Variants in EFCAB5 observed in about 807,000 individuals in gnomAD.
EFCAB5 encodes the protein EF-hand calcium-binding domain-containing protein 5.
EFCAB5 carries 131 observed loss-of-function variants against 167.9 expected under a neutral mutation model. That is an observed-to-expected ratio of 0.78 (90% confidence interval 0.68 to 0.90). The LOEUF (loss-of-function observed/expected upper bound fraction) is 0.90, where lower values mean the gene tolerates loss of function less well. EFCAB5 is among the 40% of genes least tolerant of loss of function. The pLI is 0.00. For missense variants in EFCAB5, 1,663 were observed against 1,745.2 expected, an observed-to-expected ratio of 0.95 and a Z score of 0.84; for synonymous variants, 574 against 602.8, an observed-to-expected ratio of 0.95 and a Z score of 0.70.
intron 3 of EFCAB5, among the ~76,000 whole-genome samples, chr17:29,960,664 C>G (rs536532657): frequency 6.6e-6 from 1 of 152,170 alleles, no homozygotes; most frequent in South Asian, 2.1e-4. Context: ...ATTTTGTTTA[C>G]CCATTCATCT....
rs141911046 is a variant in EFCAB5 at position 30,100,137 on chromosome 17, G to A, written c.4321+7201G>A. On this transcript the variant is annotated intron_variant, in intron 22 of 22. Transcript: ENST00000394835. Reference sequence around the variant, plus strand: ...TTAGGATTCCACTTTTCTCCTGTCTGCTACCACTTCTTCATCTGCTTTATA... The same window carrying A: ...TTAGGATTCCACTTTTCTCCTGTCTACTACCACTTCTTCATCTGCTTTATA... Among the ~76,000 whole-genome samples the A allele has an allele frequency of 7.9e-5, 12 of 152,158 alleles. No homozygotes were observed. In the East Asian group the frequency reaches 2.1e-3, roughly 27 times the overall value.
intron 14 of EFCAB5, among the ~76,000 whole-genome samples, chr17:30,068,309 G>GA (rs533248029): frequency 0.012 from 1,521 of 121,778 alleles, 24 homozygotes; most frequent in African/African-American, 0.04. Context: ...CTCAAAAAAA[G>GA]AAAAAAAAAA....
At chr17:29,993,019 G>A (rs1221455817) in intron 4 of EFCAB5, 146 bp from the exon 5 acceptor site, 5 of 686,130 alleles carry the variant, frequency 7.3e-6, no homozygotes, top group African/African-American at 1.8e-5. Flanking sequence ...GCTTGTGGAA[G>A]AAGGGCTCAC....
chr17:30,089,792 G>A (rs1287442528), intron 19 of EFCAB5, among the ~76,000 whole-genome samples: 1 of 152,164 alleles, frequency 6.6e-6, no homozygotes, highest in Non-Finnish European at 1.5e-5. Flanking sequence ...GCCAATGACT[G>A]ACTAGTGCTA....
intron 22 of EFCAB5, among the ~76,000 whole-genome samples, chr17:30,098,640 A>T (rs1272779178): frequency 6.6e-6 from 1 of 152,112 alleles, no homozygotes; most frequent in African/African-American, 2.4e-5. Flanking sequence ...TGTCTTTTTT[A>T]AAAACTGAGA....
chr17:29,972,377 C>G (rs2067975612), intron 4 of EFCAB5: 1 of 151,916 alleles, frequency 6.6e-6, no homozygotes, highest in Non-Finnish European at 1.5e-5. Flanking sequence ...ATTCCTGGCT[C>G]CTTTTAAAAT....
At chr17:29,951,523 T>TTG (rs1567673873) in intron 3 of EFCAB5, among the ~76,000 whole-genome samples, 2 of 149,918 alleles carry the variant, frequency 1.3e-5, no homozygotes, top group African/African-American at 4.9e-5. Context: ...ATTTTTTTTT[T>TTG]TATTTTTTTT....
intron 14 of EFCAB5, among the ~76,000 whole-genome samples, chr17:30,066,410 A>T (rs115413021): frequency 0.013 from 2,052 of 152,210 alleles, 59 homozygotes; most frequent in African/African-American, 0.046. Flanking sequence ...TTTTTAATTT[A>T]TTTATTTTTT....
intron 14 of EFCAB5, among the ~76,000 whole-genome samples, chr17:30,062,704 C>T (rs1385799131): frequency 6.6e-6 from 1 of 152,184 alleles, no homozygotes; most frequent in Non-Finnish European, 1.5e-5. Context: ...CACCAAATCA[C>T]CTCAGGCCAG....
At chr17:30,017,766 A>G (rs1159855002) in intron 7 of EFCAB5, among the ~76,000 whole-genome samples, 3 of 152,128 alleles carry the variant, frequency 2.0e-5, no homozygotes, top group African/African-American at 7.2e-5. Context: ...ATTTTCTCAT[A>G]TCTTTCTTTT....
At chr17:30,093,028 A>T in intron 22 of EFCAB5, 92 bp downstream of exon 22, 2 of 961,580 alleles carry the variant, frequency 2.1e-6, no homozygotes, top group Non-Finnish European at 3.0e-6. Context: ...TGGGTCATAA[A>T]TTCAGTTTTT....
intron 19 of EFCAB5, among the ~76,000 whole-genome samples, chr17:30,088,135 T>C (rs947694268): frequency 3.3e-5 from 5 of 152,214 alleles, no homozygotes; most frequent in Admixed American, 3.3e-4. Flanking sequence ...AATCCTTTTT[T>C]CTTGAGAGAT....
chr17:30,081,412 G>A (rs1255583165), intron 17 of EFCAB5, among the ~76,000 whole-genome samples: 1 of 152,130 alleles, frequency 6.6e-6, no homozygotes, highest in East Asian at 1.9e-4. Flanking sequence ...TGATTTCAGT[G>A]TTATAATTTT....
At chr17:29,946,890 A>T (rs2151525568) in intron 3 of EFCAB5, among the ~76,000 whole-genome samples, 1 of 152,316 alleles carries the variant, frequency 6.6e-6, no homozygotes, top group East Asian at 1.9e-4. Context: ...ACTTGCAAAG[A>T]TATGGAACCA....
At chr17:30,034,486 C>G in intron 8 of EFCAB5, 101 bp downstream of exon 8, 1 of 1,434,814 alleles carries the variant, frequency 7.0e-7, no homozygotes, top group Non-Finnish European at 9.3e-7. Context: ...ATTACTTGAG[C>G]CCAGGAGTTT....
intron 7 of EFCAB5, among the ~76,000 whole-genome samples, chr17:30,031,416 C>T (rs1313045743): frequency 6.6e-6 from 1 of 152,162 alleles, no homozygotes; most frequent in African/African-American, 2.4e-5. Context: ...TTTTCTCCTT[C>T]TAAAGTTGTT....
intron 7 of EFCAB5, among the ~76,000 whole-genome samples, chr17:30,033,235 C>T (rs2069526627): frequency 6.6e-6 from 1 of 152,136 alleles, no homozygotes; most frequent in Non-Finnish European, 1.5e-5. Flanking sequence ...CCCGCCACCA[C>T]GCCCGGCTAA....
At chr17:29,978,782 T>C (rs2068111227) in intron 4 of EFCAB5, among the ~76,000 whole-genome samples, 1 of 152,250 alleles carries the variant, frequency 6.6e-6, no homozygotes, top group African/African-American at 2.4e-5. Flanking sequence ...CATTGATTCA[T>C]TTAAAAGTAT....
At chr17:29,966,106 T>C (rs997311965) in intron 3 of EFCAB5, among the ~76,000 whole-genome samples, 2 of 152,172 alleles carry the variant, frequency 1.3e-5, no homozygotes, top group Admixed American at 6.5e-5. Flanking sequence ...TGTTAAAGTG[T>C]ACAATTCAGA....
Sources: gnomAD v4.1 joint callset for allele counts (sites outside exome capture counted in the v4.1 genomes callset) on GRCh38, gnomAD v4.1.1 for gene constraint, MANE v1.5 for transcripts, NCBI Gene and HGNC (gene_info 2026-07-23, HGNC 2026-07-21) for gene names.